Variants in SENP6 observed in about 807,000 individuals in gnomAD.
SENP6 encodes SUMO specific peptidase 6.
SENP6 carries 41 observed loss-of-function variants against 134.5 expected under a neutral mutation model. That is an observed-to-expected ratio of 0.30 (90% CI 0.24 to 0.40). The LOEUF (loss-of-function observed/expected upper bound fraction) is 0.40, where lower values mean the gene tolerates loss of function less well. Ranked by LOEUF, SENP6 falls within the 10% of genes least tolerant of loss-of-function variation. The pLI is 1.00. For missense variants in SENP6, 1,248 were observed against 1,312.5 expected (o/e 0.95, Z 0.76); for synonymous variants, 395 against 429.8 (o/e 0.92, Z 1.00).
intron 1 of SENP6, among the ~76,000 whole-genome samples, chr6:75,610,555 T>A (rs1357090659): frequency 1.3e-5 from 2 of 152,188 alleles, no homozygotes; most frequent in Non-Finnish European, 2.9e-5. Context: ...ATTTTTTTTG[T>A]CTACCTTAGG....
At chr6:75,614,802 A>G (rs1350016276) in intron 1 of SENP6, among the ~76,000 whole-genome samples, 2 of 152,010 alleles carry the variant, frequency 1.3e-5, no homozygotes, top group African/African-American at 4.8e-5. Context: ...TGCTGGGGAG[A>G]AATTAGATGT....
At chr6:75,666,109 GTA>G (rs1438978796) in intron 9 of SENP6, among the ~76,000 whole-genome samples, 5 of 142,066 alleles carry the variant, frequency 3.5e-5, no homozygotes, top group African/African-American at 7.7e-5. Context: ...TATATAAAAT[GTA>G]TATATGATAT....
At position 75,642,262 on chromosome 6, in the gene SENP6, C is replaced by T. The variant is rs187749115; in HGVS notation, c.479+1558C>T. The stretch of plus-strand genomic sequence containing the variant: ...TCCCCGCAGTCCTGTAGTTTACATT[C>T]TTATGGGACAAAGACTAATACTGAA... On this transcript the variant is annotated intron_variant, in intron 6 of 23. Transcript: ENST00000447266. 1.4e-3 allele frequency among the ~76,000 whole-genome samples: 211 copies of T among 152,340 alleles called. 1 individual carries two copies. The highest frequency in any genetic ancestry group is 2.8e-3 in the Admixed American group (43 of 15,310).
intron 19 of SENP6, among the ~76,000 whole-genome samples, chr6:75,707,364 T>C (rs1482257012): frequency 2.7e-4 from 36 of 133,896 alleles, no homozygotes; most frequent in African/African-American, 9.0e-4. Flanking sequence ...TCTTTTTTTT[T>C]TTTTTTTTTT....
At chr6:75,653,374 CTGT>C (rs1337222797) in intron 7 of SENP6, among the ~76,000 whole-genome samples, 1 of 152,156 alleles carries the variant, frequency 6.6e-6, no homozygotes, top group African/African-American at 2.4e-5. Context: ...GTAGTTGAAT[CTGT>C]TGTTAAAGTT....
At chr6:75,705,431 G>A (rs1234389303) in intron 19 of SENP6, among the ~76,000 whole-genome samples, 1 of 152,126 alleles carries the variant, frequency 6.6e-6, no homozygotes, top group Non-Finnish European at 1.5e-5. Flanking sequence ...TGTAATCCTA[G>A]CTACTCAGGA....
At chr6:75,614,828 G>T (rs1216782427) in intron 1 of SENP6, among the ~76,000 whole-genome samples, 2 of 152,100 alleles carry the variant, frequency 1.3e-5, no homozygotes, top group African/African-American at 4.8e-5. Context: ...GAAGGTTTGG[G>T]GAGTTATTCC....
At chr6:75,641,557 C>CA (rs1489620674) in intron 6 of SENP6, among the ~76,000 whole-genome samples, 2 of 152,248 alleles carry the variant, frequency 1.3e-5, no homozygotes, top group African/African-American at 4.8e-5. Flanking sequence ...CACTGGCAGA[C>CA]ACATGTTGTT....
chr6:75,626,103 A>G (rs1285958148), intron 3 of SENP6, among the ~76,000 whole-genome samples: 1 of 149,728 alleles, frequency 6.7e-6, no homozygotes, highest in African/African-American at 2.5e-5. Flanking sequence ...TTGGTATTCT[A>G]CCAACTAAAT....
Position 75,715,805 on chromosome 6 carries a change from A to G in SENP6, c.*211A>G, listed in dbSNP as rs571745890. ...GCCAATTTTTCCAGCATTTATAATT[A>G]TTTTTTTCACTTGTTAGGAAGCTTT... On this transcript the variant is annotated 3_prime_UTR_variant, in exon 24 of 24. Coordinates refer to ENST00000447266, the MANE Select transcript of SENP6 (RefSeq NM_015571.4). The G allele has an allele frequency of 5.9e-6, 2 of 339,732 alleles. No individual in the cohort carries two copies. Among genetic ancestry groups the G allele is most frequent in the Non-Finnish European group, 1.1e-5 (2 of 189,588 alleles). The allele number at this position is 339,732 out of a possible 1,614,324, so 21.0% of individuals were successfully genotyped here.
chr6:75,602,732 G>A (rs1582632058), intron 1 of SENP6, among the ~76,000 whole-genome samples, 156 bp downstream of exon 1: 1 of 152,274 alleles, frequency 6.6e-6, no homozygotes, highest in Middle Eastern at 3.4e-3. Context: ...TGCTGCGAGC[G>A]CACCTGGTTC....
chr6:75,670,528 G>T, intron 10 of SENP6, 25 bp from the exon 11 acceptor site: 1 of 1,554,000 alleles, frequency 6.4e-7, no homozygotes, highest in Non-Finnish European at 8.8e-7. Context: ...AAATTATTAA[G>T]TGAACATTTT....
chr6:75,652,279 G>A (rs1187726753), intron 7 of SENP6, among the ~76,000 whole-genome samples: 2 of 151,802 alleles, frequency 1.3e-5, no homozygotes, highest in Non-Finnish European at 2.9e-5. Flanking sequence ...CCAAAGTGCT[G>A]GGATTACAGG....
intron 3 of SENP6, among the ~76,000 whole-genome samples, chr6:75,632,524 C>G (rs1031062506): frequency 5.9e-5 from 9 of 152,118 alleles, no homozygotes; most frequent in Non-Finnish European, 1.3e-4. Flanking sequence ...GTTATTGAAC[C>G]TTTGTAAACT....
intron 1 of SENP6, among the ~76,000 whole-genome samples, chr6:75,621,041 C>G (rs1028386781): frequency 1.3e-5 from 2 of 152,106 alleles, no homozygotes; most frequent in East Asian, 3.8e-4. Flanking sequence ...GTGTTCTGAT[C>G]TAGAGTTTTT....
chr6:75,633,662 A>T lies in SENP6; in HGVS notation c.289A>T (p.Ser97Cys). 6.2e-7 allele frequency: 1 copy of T among 1,612,688 alleles called. No homozygotes were observed. The highest frequency in any genetic ancestry group is 8.5e-7 in the Non-Finnish European group (1 of 1,179,438). Residue 97 changes from serine (S) to cysteine (C), a missense_variant, in exon 4 of 24, where the codon AGT becomes TGT. Coordinates refer to ENST00000447266, the MANE Select transcript of SENP6 (RefSeq NM_015571.4). ...KTYVRRNKSE[S>C]FKTLKGNPIG... The stretch of plus-strand genomic sequence containing the variant: ...ATATGTAAGACGAAACAAGTCTGAA[A>T]GTTTTAAAACTTTGAAAGGCAACCC...
In SENP6 at chr6:75,602,550, G is replaced by A. The variant is rs202125150; in HGVS notation, c.26G>A (p.Ser9Asn). Reference protein sequence around the residue: MAAGKSGGSAGEITFLEAL... With the variant: MAAGKSGGNAGEITFLEAL... ...ATGGCGGCCGGCAAGAGCGGCGGTA[G>A]CGCAGGGGAGATTACTTTTCTGGAA... Residue 9 changes from serine to asparagine, a missense_variant, in exon 1 of 24, where the codon AGC becomes AAC. Physicochemically the swap from Ser to Asn is conservative, Grantham distance 46 (BLOSUM62 1). Around this residue, in one of 3 missense-constraint regions of SENP6, gnomAD observed 733 missense variants for 725.4 expected, o/e 1.01. Transcript: ENST00000447266. 2 of 1,551,484 alleles carry A rather than the reference G, an allele frequency of 1.3e-6. No individual in the cohort carries two copies. The highest frequency in any genetic ancestry group is 3.9e-5 in the Admixed American group (2 of 50,986).
chr6:75,611,581 T>TCC (rs1399303599), intron 1 of SENP6: 2 of 152,226 alleles, frequency 1.3e-5, no homozygotes, highest in African/African-American at 4.8e-5. Context: ...ACTTTGATGA[T>TCC]CCTCTCACTT....
intron 3 of SENP6, among the ~76,000 whole-genome samples, chr6:75,631,802 T>C (rs1486679346): frequency 2.0e-5 from 3 of 152,220 alleles, no homozygotes; most frequent in East Asian, 1.9e-4. Flanking sequence ...CTGATCCCTG[T>C]ATCAGTGTTT....
Sources: allele counts gnomAD v4.1 joint callset (sites outside exome capture counted in the v4.1 genomes callset), GRCh38; gene constraint gnomAD v4.1.1; regional missense constraint gnomAD v4.1.1; transcripts MANE v1.5; gene names NCBI Gene and HGNC (gene_info 2026-07-23, HGNC 2026-07-21).